The following KIF17 variants were observed in gnomAD, a reference collection of about 807,000 sequenced individuals.
KIF17 encodes the protein kinesin-like protein KIF17.
KIF17 carries 80 observed loss-of-function variants against 96.8 expected under a neutral mutation model. That is an observed-to-expected ratio of 0.83 (90% CI 0.69 to 1.00). The LOEUF (loss-of-function observed/expected upper bound fraction) is 1.00. KIF17 is among the 50% of genes least tolerant of loss of function. KIF17 has a pLI of 0.00. For synonymous variants in KIF17, 567 were observed against 587.5 expected (o/e 0.97, Z 0.51); for missense variants, 1,280 against 1,372.9 (o/e 0.93, Z 1.07).
chr1:20,668,459 G>A (rs2170336), intron 13 of KIF17, among the ~76,000 whole-genome samples: 19,284 of 152,202 alleles, frequency 0.13, 1,268 homozygotes, highest in African/African-American at 0.14. Flanking sequence ...GCTTGGAGCT[G>A]AAAGCATTCT....
At chr1:20,669,891 A>C (rs1424992311) in intron 13 of KIF17, among the ~76,000 whole-genome samples, 2 of 145,536 alleles carry the variant, frequency 1.4e-5, no homozygotes, top group African/African-American at 5.0e-5. Flanking sequence ...AAAAAAAAAA[A>C]AAAAAAAAAA....
chr1:20,716,681 G>A (rs2054583941), intron 1 of KIF17, among the ~76,000 whole-genome samples: 1 of 152,198 alleles, frequency 6.6e-6, no homozygotes, highest in Admixed American at 6.5e-5. Flanking sequence ...GGGACTAGGG[G>A]AGGGGTGGAA....
At chr1:20,703,478 AGATGGATAGATGGATGGATGCATG>A (rs2054280293) in intron 5 of KIF17, among the ~76,000 whole-genome samples, 1 of 90,798 alleles carries the variant, frequency 1.1e-5, no homozygotes, top group African/African-American at 5.6e-5. Context: ...GAGGATGGAT[AGATGGATAGATGGATGGATGCATG>A]GATGGATGGA....
Position 20,671,994 on chromosome 1 carries a change from T to C in KIF17, c.2666A>G (p.Asp889Gly), listed in dbSNP as rs766027861. ...KILRESCWDEDNGFWKIPHPV... is the reference protein window; with the variant it reads ...KILRESCWDEGNGFWKIPHPV... ...ATGTGGGATCTTCCAGAAGCCGTTA[T>C]CTTCGTCCCAGCAGGACTCACGCAG... The change falls in exon 12 of 15, where the codon GAT (aspartate) becomes GGT (glycine). Residue 889 changes from aspartate (D) to glycine (G), a missense_variant. By Grantham distance (94) the Asp-to-Gly change is moderately conservative (BLOSUM62 -1). Coordinates refer to ENST00000400463, the MANE Select transcript of KIF17 (RefSeq NM_001122819.3). 3.7e-6 allele frequency: 6 copies of C among 1,613,988 alleles called. No individual in the cohort carries two copies. The East Asian group carries it at 1.3e-4, about 36-fold the overall frequency.
chr1:20,715,068 G>A (rs2054553551), intron 2 of KIF17, among the ~76,000 whole-genome samples: 1 of 152,186 alleles, frequency 6.6e-6, no homozygotes, highest in Non-Finnish European at 1.5e-5. Flanking sequence ...GGCCAATAAA[G>A]GCTCAGTCTC....
intron 13 of KIF17, among the ~76,000 whole-genome samples, chr1:20,668,252 G>A (rs1463943580): frequency 2.6e-5 from 4 of 151,902 alleles, no homozygotes; most frequent in African/African-American, 7.3e-5. Flanking sequence ...GGAGCTTGCC[G>A]TGAGCCGAGA....
rs2053925792 is a variant in KIF17 at position 20,685,728 on chromosome 1, A to G, written c.2019+318T>C. Among the ~76,000 whole-genome samples, 1 of 152,172 alleles carries G rather than the reference A, an allele frequency of 6.6e-6. No homozygotes were observed. Among genetic ancestry groups the G allele is most frequent in the Non-Finnish European group, 1.5e-5 (1 of 68,016 alleles). ...GTTCCCCGATGGTGTCATAGGGGCC[A>G]CCAGCCCTGACCTGCAGCCCTCGTC... On this transcript the variant is annotated intron_variant, in intron 9 of 14. Transcript: ENST00000400463. The surrounding 1 kb of genome is among the most constrained non-coding windows in gnomAD (Gnocchi z 4.1).
intron 7 of KIF17, among the ~76,000 whole-genome samples, chr1:20,688,339 G>A (rs982007561): frequency 1.3e-5 from 2 of 152,112 alleles, no homozygotes; most frequent in Admixed American, 6.5e-5. Context: ...ATGAGCCACC[G>A]CGCCTGGCCC....
At chr1:20,712,547 G>GATATTATATATATAGATA (rs2054457177) in intron 3 of KIF17, among the ~76,000 whole-genome samples, 1 of 68,316 alleles carries the variant, frequency 1.5e-5, no homozygotes, top group Non-Finnish European at 3.7e-5. Flanking sequence ...CTATATTATA[G>GATATTATATATATAGATA]ATATTATCTA....
rs1180939904 is a variant in KIF17 at position 20,707,738 on chromosome 1, C to G, written c.670+1901G>C. Among the ~76,000 whole-genome samples, 5 of 148,836 alleles carry G rather than the reference C, an allele frequency of 3.4e-5. No individual in the cohort carries two copies. In the East Asian group the frequency reaches 7.9e-4, roughly 23 times the overall value. Reference sequence around the variant, plus strand: ...TGATCTGAGATTGCACCACTGCACTCCAGCCTGGGCAACAGAGCTGTCTCA... The same window carrying G: ...TGATCTGAGATTGCACCACTGCACTGCAGCCTGGGCAACAGAGCTGTCTCA... On this transcript the variant is annotated intron_variant, in intron 4 of 14. Transcript: ENST00000400463.
At position 20,687,788 on chromosome 1, in the gene KIF17, G is replaced by A. The variant is rs756737847; in HGVS notation, c.1538C>T (p.Ser513Phe). ...TTDTLPSDDV[S>F]KTQVSSRFAE... ...AAACCTGGAGGAAACCTGAGTCTTG[G>A]AGACATCGTCACTGGGCAGAGTGTC... Residue 513 changes from serine to phenylalanine, a missense_variant, in exon 8 of 15, where the codon TCC becomes TTC. Coordinates refer to ENST00000400463, the MANE Select transcript of KIF17 (RefSeq NM_001122819.3). This position sits in a 1 kb window ranked among gnomAD's most constrained non-coding sequence, Gnocchi z 4.4. 9.9e-6 allele frequency: 16 copies of A among 1,614,192 alleles called. No homozygotes were observed. In the East Asian group the frequency reaches 3.6e-4, roughly 36 times the overall value.
At chr1:20,673,984 A>C (rs1001788116) in intron 11 of KIF17, among the ~76,000 whole-genome samples, 1 of 152,094 alleles carries the variant, frequency 6.6e-6, no homozygotes, top group African/African-American at 2.4e-5. Context: ...GCTGGAGTGC[A>C]GCGGCACCTT....
At chr1:20,715,702 G>A (rs2054566474) in intron 1 of KIF17, 63 bp from the exon 2 acceptor site, 1 of 1,602,962 alleles carries the variant, frequency 6.2e-7, no homozygotes, top group East Asian at 2.2e-5. Flanking sequence ...CTCGGGACAG[G>A]GCTCCCTAAC....
chr1:20,715,165 A>G (rs538950538), intron 2 of KIF17, among the ~76,000 whole-genome samples: 1 of 152,252 alleles, frequency 6.6e-6, no homozygotes, highest in Non-Finnish European at 1.5e-5. Flanking sequence ...AGGGCTTCAC[A>G]TATGACTTGG....
intron 6 of KIF17, among the ~76,000 whole-genome samples, chr1:20,691,011 A>AT (rs2054030902): frequency 6.6e-6 from 1 of 151,618 alleles, no homozygotes; most frequent in African/African-American, 2.4e-5. Context: ...TTTTAAAAAA[A>AT]TTTTGTAGGC....
Position 20,715,515 on chromosome 1 carries a change from T to C in KIF17, c.356A>G (p.Glu119Gly), listed in dbSNP as rs2054561453. Residue 119 changes from glutamate (E) to glycine (G), a missense_variant, in exon 2 of 15, where the codon GAG becomes GGG. Transcript: ENST00000400463. ...TACCTGGACGCTCTCGAACACGTGC[T>C]CGAAGGCCCTGGGGATGATGCCTCT... is the stretch of plus-strand genomic sequence containing the variant. ...SQRGIIPRAF[E>G]HVFESVQCAE... 6.2e-7 allele frequency: 1 copy of C among 1,613,378 alleles called. No homozygotes were observed. Among genetic ancestry groups the C allele is most frequent in the Admixed American group, 1.7e-5 (1 of 60,022 alleles).
chr1:20,704,965 GC>G lies in KIF17; in HGVS notation c.671-67del. On this transcript the variant is annotated intron_variant, in intron 4 of 14. Transcript: ENST00000400463. The surrounding 1 kb of genome is among the most constrained non-coding windows in gnomAD (Gnocchi z 6.8). ...GCCCTATGTATCGAGGGCAATCAGTGCCAGGCACTGGGTGCTCAATGCCCAC... is the reference window on the plus strand; with the variant it reads ...GCCCTATGTATCGAGGGCAATCAGTGCAGGCACTGGGTGCTCAATGCCCAC... 2 of 1,437,636 alleles carry G rather than the reference GC, an allele frequency of 1.4e-6. No homozygotes were observed. The highest frequency in any genetic ancestry group is 1.9e-6 in the Non-Finnish European group (2 of 1,037,352). 89.1% of individuals were successfully genotyped at this position (1,437,636 alleles called of 1,614,324 possible).
At chr1:20,716,782 C>G (rs1450224454) in intron 1 of KIF17, among the ~76,000 whole-genome samples, 2 of 152,224 alleles carry the variant, frequency 1.3e-5, no homozygotes, top group African/African-American at 4.8e-5. Context: ...TGTTTCTATT[C>G]ATTCGACAGG....
Position 20,685,923 on chromosome 1 carries a change from A to T in KIF17, c.2019+123T>A. On this transcript the variant is annotated intron_variant, in intron 9 of 14. Transcript: ENST00000400463. The surrounding 1 kb of genome is among the most constrained non-coding windows in gnomAD (Gnocchi z 4.1). ...GGGCCACAAGCCCGGGGAAGGCTGG[A>T]GTTGTTGTTCTCAGCTCATGGATGA... The T allele has an allele frequency of 1.2e-6, 1 of 819,336 alleles. No individual in the cohort carries two copies. The highest frequency in any genetic ancestry group is 2.1e-6 in the Non-Finnish European group (1 of 485,784). 50.8% of individuals were successfully genotyped at this position (819,336 alleles called of 1,614,324 possible). A position where few individuals can be genotyped will look rare whatever the true frequency, so the allele number is the denominator to read the frequency against.
Sources: allele counts gnomAD v4.1 joint callset (sites outside exome capture counted in the v4.1 genomes callset), GRCh38; gene constraint gnomAD v4.1.1; non-coding constraint Gnocchi (gnomAD v3.1); transcripts MANE v1.5; gene names NCBI Gene and HGNC (gene_info 2026-07-23, HGNC 2026-07-21).